The following THEMIS variants were observed in gnomAD, a reference collection of about 807,000 sequenced individuals.
THEMIS encodes the protein thymocyte selection associated, also known as protein THEMIS.
A neutral mutation model predicts 52.6 loss-of-function variants in THEMIS; 37 were observed. The ratio of observed to expected loss-of-function variants is 0.70; its 90% CI spans 0.54 to 0.93. The LOEUF is 0.93. Ranked by LOEUF, THEMIS falls within the 40% of genes least tolerant of loss-of-function variation. The pLI, the probability that THEMIS is intolerant of heterozygous loss-of-function variation, is 0.00. For missense variants in THEMIS, 808 were observed against 763.1 expected, an observed-to-expected ratio of 1.06 and a Z score of -0.69; for synonymous variants, 292 against 272.7, an observed-to-expected ratio of 1.07 and a Z score of -0.70.
chr6:127,875,169 A>G (rs1390425248), intron 1 of THEMIS, among the ~76,000 whole-genome samples: 4 of 152,236 alleles, frequency 2.6e-5, no homozygotes, highest in African/African-American at 9.6e-5. Flanking sequence ...CTGGTCCCAA[A>G]AATTTGGGAA....
intron 1 of THEMIS, among the ~76,000 whole-genome samples, chr6:127,914,134 T>A (rs950400977): frequency 3.3e-5 from 5 of 152,182 alleles, no homozygotes; most frequent in Non-Finnish European, 5.9e-5. Flanking sequence ...AATAATTTTG[T>A]GCATGAAACA....
At chr6:127,833,949 C>A (rs1042366303) in intron 2 of THEMIS, among the ~76,000 whole-genome samples, 1 of 152,002 alleles carries the variant, frequency 6.6e-6, no homozygotes, top group African/African-American at 2.4e-5. Flanking sequence ...TCTATCAAAG[C>A]AAAAAGTTCA....
the THEMIS span, among the ~76,000 whole-genome samples, chr6:127,697,949 T>C: frequency 6.6e-6 from 1 of 152,200 alleles, no homozygotes; most frequent in East Asian, 1.9e-4. Flanking sequence ...CCTCCATGTA[T>C]AGTATCCTGG....
At chr6:127,752,164 A>T (rs1317198314) in intron 4 of THEMIS, among the ~76,000 whole-genome samples, 1 of 151,740 alleles carries the variant, frequency 6.6e-6, no homozygotes. Flanking sequence ...AGCAAAAGCC[A>T]TTCTAAAAGG....
intron 4 of THEMIS, among the ~76,000 whole-genome samples, chr6:127,720,647 A>ATAG (rs1380206967): frequency 6.6e-6 from 1 of 151,962 alleles, no homozygotes; most frequent in African/African-American, 2.4e-5. Flanking sequence ...TCACTAAAGG[A>ATAG]TAGTATAATG....
chr6:127,851,321 A>G (rs1329691235), intron 2 of THEMIS, among the ~76,000 whole-genome samples: 1 of 151,676 alleles, frequency 6.6e-6, no homozygotes, highest in Non-Finnish European at 1.5e-5. Flanking sequence ...GACTAAACTC[A>G]AAGATTCATG....
chr6:127,763,179 G>A (rs1562241830), intron 4 of THEMIS, among the ~76,000 whole-genome samples: 2 of 151,940 alleles, frequency 1.3e-5, no homozygotes, highest in Non-Finnish European at 2.9e-5. Flanking sequence ...ACAGGGAAAG[G>A]TCAATTTAGA....
chr6:127,775,179 A>G (rs1172270281), intron 4 of THEMIS, among the ~76,000 whole-genome samples: 3 of 152,102 alleles, frequency 2.0e-5, no homozygotes, highest in Non-Finnish European at 4.4e-5. Flanking sequence ...TTAATGACAT[A>G]TGTTTGCAGC....
the THEMIS span, among the ~76,000 whole-genome samples, chr6:127,700,828 C>G: frequency 2.0e-5 from 3 of 151,954 alleles, no homozygotes; most frequent in African/African-American, 7.2e-5. Context: ...TTTTCCTCCA[C>G]TTATTTTTGT....
chr6:127,860,975 GGT>G (rs952467198), intron 1 of THEMIS, among the ~76,000 whole-genome samples: 4 of 152,028 alleles, frequency 2.6e-5, no homozygotes, highest in African/African-American at 9.7e-5. Flanking sequence ...GGGATTTGAG[GGT>G]GTGTGTATGA....
intron 1 of THEMIS, among the ~76,000 whole-genome samples, chr6:127,869,231 T>A (rs1780080321): frequency 6.6e-6 from 1 of 152,222 alleles, no homozygotes; most frequent in African/African-American, 2.4e-5. Context: ...TAAAAATATC[T>A]TAAGTTGAAA....
chr6:127,843,678 G>A (rs1444253474), intron 2 of THEMIS, among the ~76,000 whole-genome samples: 1 of 151,882 alleles, frequency 6.6e-6, no homozygotes, highest in Non-Finnish European at 1.5e-5. Flanking sequence ...CCCTTGTTCA[G>A]TGCCCTCCCA....
chr6:127,769,688 G>A (rs1776314631), intron 4 of THEMIS, among the ~76,000 whole-genome samples: 1 of 152,072 alleles, frequency 6.6e-6, no homozygotes, highest in Non-Finnish European at 1.5e-5. Context: ...GTGCAGGTTT[G>A]TTACATATGT....
At chr6:127,747,322 T>C (rs1161643930) in intron 4 of THEMIS, among the ~76,000 whole-genome samples, 1 of 125,548 alleles carries the variant, frequency 8.0e-6, no homozygotes, top group Non-Finnish European at 1.9e-5. Flanking sequence ...TATAAATATC[T>C]ATATCTATAT....
chr6:127,770,531 G>T (rs545807017), intron 4 of THEMIS, among the ~76,000 whole-genome samples: 37 of 152,242 alleles, frequency 2.4e-4, no homozygotes, highest in South Asian at 2.3e-3. Context: ...TTAGCCCTTT[G>T]TCACAGGGGT....
At chr6:127,713,473 G>C (rs1401517039) in intron 5 of THEMIS, among the ~76,000 whole-genome samples, 1 of 151,862 alleles carries the variant, frequency 6.6e-6, no homozygotes, top group African/African-American at 2.4e-5. Context: ...CCTAAGGATA[G>C]AGCAAACTGA....
At chr6:127,867,449 C>T (rs543749376) in intron 1 of THEMIS, among the ~76,000 whole-genome samples, 3 of 152,096 alleles carry the variant, frequency 2.0e-5, no homozygotes, top group Admixed American at 6.6e-5. Context: ...GATCTCCCAT[C>T]TTACGTTCTA....
Position 127,868,467 on chromosome 6 carries a change from C to T in THEMIS, c.92-13279G>A, listed in dbSNP as rs1010911221. The stretch of plus-strand genomic sequence containing the variant: ...GGGATAAAGACACCTTCAAGATCAG[C>T]ATTTCCCAACCTTCCACAAATGAAC... On this transcript the variant is annotated intron_variant, in intron 1 of 5. Coordinates refer to ENST00000368248, the MANE Select transcript of THEMIS (RefSeq NM_001010923.3). 44 of 985,268 alleles carry T rather than the reference C, an allele frequency of 4.5e-5. No individual in the cohort carries two copies. The African/African-American group carries it at 7.3e-4, about 16-fold the overall frequency. The allele number at this position is 985,268 out of a possible 1,614,324, so 61.0% of individuals were successfully genotyped here. A position where few individuals can be genotyped will look rare whatever the true frequency, so the allele number is the denominator to read the frequency against.
intron 4 of THEMIS, among the ~76,000 whole-genome samples, chr6:127,761,312 T>C (rs1776013278): frequency 6.6e-6 from 1 of 152,144 alleles, no homozygotes; most frequent in Admixed American, 6.6e-5. Context: ...TTTGATGTGG[T>C]TTAGAGAAAA....
Sources: allele counts gnomAD v4.1 joint callset (sites outside exome capture counted in the v4.1 genomes callset), GRCh38; gene constraint gnomAD v4.1.1; transcripts MANE v1.5; gene names NCBI Gene and HGNC (gene_info 2026-07-23, HGNC 2026-07-21).